Variants in RIMKLB observed in about 807,000 individuals in gnomAD.
RIMKLB encodes the protein ribosomal modification protein rimK like family member B, also known as beta-citrylglutamate synthase B.
Under a neutral mutation model 32.0 loss-of-function variants are expected in RIMKLB, and 7 were observed. The ratio of observed to expected loss-of-function variants is 0.22; its 90% CI spans 0.12 to 0.41. RIMKLB has a LOEUF of 0.41. RIMKLB is among the 10% of genes least tolerant of loss of function. The pLI is 1.00. For synonymous variants in RIMKLB, 172 were observed against 185.1 expected, an observed-to-expected ratio of 0.93 and a Z score of 0.57; for missense variants, 289 against 498.7, an observed-to-expected ratio of 0.58 and a Z score of 4.00.
chr12:8,691,393 G>A (rs545949690), intron 1 of RIMKLB, among the ~76,000 whole-genome samples: 281 of 152,128 alleles, frequency 1.8e-3, no homozygotes, highest in Non-Finnish European at 3.2e-3. Flanking sequence ...CAGATCAACT[G>A]AGGTCAGGAG....
chr12:8,747,298 C>T (rs2137655068), intron 2 of RIMKLB, among the ~76,000 whole-genome samples: 1 of 152,286 alleles, frequency 6.6e-6, no homozygotes, highest in African/African-American at 2.4e-5. Flanking sequence ...TACATCAATA[C>T]CATCAATACA....
chr12:8,773,794 T>C lies in RIMKLB; in HGVS notation c.*10T>C, dbSNP rs770011284. The C allele has an allele frequency of 7.5e-6, 12 of 1,592,960 alleles. No homozygotes were observed. The Middle Eastern group carries it at 8.4e-4, about 112-fold the overall frequency. ...ACTACTGGTGGACTGACTCCACTGG[T>C]AATTAACCAACAAAACCCTTGTAAA... On this transcript the variant is annotated 3_prime_UTR_variant, in exon 6 of 6. Coordinates refer to ENST00000535829, the MANE Select transcript of RIMKLB (RefSeq NM_001297776.2).
chr12:8,671,339 T>C, the RIMKLB span, among the ~76,000 whole-genome samples: 1 of 151,950 alleles, frequency 6.6e-6, no homozygotes, highest in South Asian at 2.1e-4. Flanking sequence ...CAAATTCTGC[T>C]TCCCAGGTTC....
chr12:8,692,351 T>G (rs1942756831), upstream of RIMKLB, among the ~76,000 whole-genome samples: 2 of 152,376 alleles, frequency 1.3e-5, no homozygotes. Context: ...CAAACTTTCA[T>G]GTGTCTAAAG....
intron 2 of RIMKLB, among the ~76,000 whole-genome samples, chr12:8,733,360 T>TGCCACATCTC (rs1946721591): frequency 3.9e-5 from 6 of 152,158 alleles, no homozygotes; most frequent in African/African-American, 1.2e-4. Context: ...TGCCACATCT[T>TGCCACATCTC]AACTCAGGAT....
chr12:8,753,759 CAAAG>C (rs1222497201), intron 4 of RIMKLB, 127 bp from the exon 5 acceptor site: 19 of 692,996 alleles, frequency 2.7e-5, no homozygotes, highest in East Asian at 2.4e-4. Context: ...ACAGTTCTAA[CAAAG>C]AAAACTTAAA....
Position 8,776,923 on chromosome 12 carries a change from G to A in RIMKLB, c.*3139G>A. 1 of 985,796 alleles carries A rather than the reference G, an allele frequency of 1.0e-6. No individual in the cohort carries two copies. The highest frequency in any genetic ancestry group is 1.2e-6 in the Non-Finnish European group (1 of 829,900). The allele number at this position is 985,796 out of a possible 1,614,324, so 61.1% of individuals were successfully genotyped here. A position where few individuals can be genotyped will look rare whatever the true frequency, so the allele number is the denominator to read the frequency against. ...GAGAAGCAAATTTGTTTCATTCAGT[G>A]AATCCCCAGTTTGGGGCTTGTGGGG... On this transcript the variant is annotated 3_prime_UTR_variant, in exon 6 of 6. Transcript: ENST00000535829.
chr12:8,707,429 C>A (rs997884851), intron 1 of RIMKLB, among the ~76,000 whole-genome samples: 4 of 152,182 alleles, frequency 2.6e-5, no homozygotes, highest in African/African-American at 9.7e-5. Flanking sequence ...GGAAAAGGGG[C>A]ACGGAGCTTC....
chr12:8,670,040 A>G, the RIMKLB span, among the ~76,000 whole-genome samples: 1 of 150,794 alleles, frequency 6.6e-6, no homozygotes, highest in African/African-American at 2.4e-5. Flanking sequence ...AAAAAAAAAA[A>G]AAAAAAAAAA....
In RIMKLB at chr12:8,766,414, T is replaced by G. The variant is rs774949666; in HGVS notation, c.698-6907T>G. 5.3e-5 allele frequency among the ~76,000 whole-genome samples: 8 copies of G among 152,274 alleles called. No homozygotes were observed. In the East Asian group the frequency reaches 1.4e-3, roughly 26 times the overall value. ...GAGCTGGGCTGGGTTCCTGAGCATTTCATAACACCCCAGCTGCCCCATCAA... is the reference window on the plus strand; with the variant it reads ...GAGCTGGGCTGGGTTCCTGAGCATTGCATAACACCCCAGCTGCCCCATCAA... On this transcript the variant is annotated intron_variant, in intron 5 of 5. Coordinates refer to ENST00000535829, the MANE Select transcript of RIMKLB (RefSeq NM_001297776.2).
chr12:8,723,866 G>C (rs971367513), intron 2 of RIMKLB, among the ~76,000 whole-genome samples: 1 of 137,934 alleles, frequency 7.2e-6, no homozygotes, highest in Admixed American at 7.9e-5. Context: ...GGCTGCTGGA[G>C]TACAGTGGTG....
intron 2 of RIMKLB, 73 bp downstream of exon 2, chr12:8,714,114 T>G: frequency 1.6e-6 from 2 of 1,286,228 alleles, no homozygotes; most frequent in South Asian, 1.3e-5. Flanking sequence ...TTAGGAATAA[T>G]TAGGACAGAG....
upstream of RIMKLB, among the ~76,000 whole-genome samples, chr12:8,696,856 A>G (rs1347015123): frequency 6.6e-6 from 1 of 152,228 alleles, no homozygotes; most frequent in African/African-American, 2.4e-5. Context: ...GACCAGCAAG[A>G]AGGCAAACTG....
intron 3 of RIMKLB, 132 bp downstream of exon 3, chr12:8,750,224 A>G: frequency 1.9e-6 from 1 of 529,314 alleles, no homozygotes; most frequent in Non-Finnish European, 3.3e-6. Context: ...GGATAATTAT[A>G]AATTATATCT....
chr12:8,751,338 C>G (rs1049035503), intron 3 of RIMKLB, among the ~76,000 whole-genome samples: 1 of 152,166 alleles, frequency 6.6e-6, no homozygotes, highest in African/African-American at 2.4e-5. Flanking sequence ...GCTTTTCTCT[C>G]TAATCATGCT....
intron 1 of RIMKLB, among the ~76,000 whole-genome samples, chr12:8,709,443 A>C (rs768056635): frequency 2.0e-5 from 3 of 152,240 alleles, no homozygotes; most frequent in African/African-American, 7.2e-5. Flanking sequence ...AGGCTAGGAG[A>C]GAACCATTGA....
intron 5 of RIMKLB, among the ~76,000 whole-genome samples, chr12:8,762,702 C>T (rs755106820): frequency 1.3e-5 from 2 of 152,124 alleles, no homozygotes; most frequent in African/African-American, 4.8e-5. Context: ...AATTCTAGTG[C>T]CTGAATGAGG....
chr12:8,669,857 C>A, the RIMKLB span, among the ~76,000 whole-genome samples: 2 of 151,594 alleles, frequency 1.3e-5, no homozygotes, highest in African/African-American at 4.8e-5. Context: ...GAAACCCCGT[C>A]TCTACTAAAA....
intron 1 of RIMKLB, among the ~76,000 whole-genome samples, chr12:8,705,283 C>G (rs1415030350): frequency 6.6e-6 from 1 of 151,994 alleles, no homozygotes; most frequent in Non-Finnish European, 1.5e-5. Flanking sequence ...TCGAGACCAG[C>G]CTGGCCAACA....
Sources: gnomAD v4.1 joint callset for allele counts (sites outside exome capture counted in the v4.1 genomes callset) on GRCh38, gnomAD v4.1.1 for gene constraint, MANE v1.5 for transcripts, NCBI Gene and HGNC (gene_info 2026-07-23, HGNC 2026-07-21) for gene names.